The following ARHGAP29 variants were observed in gnomAD, a reference collection of about 807,000 sequenced individuals.
The protein encoded by ARHGAP29 is rho GTPase-activating protein 29.
A neutral mutation model predicts 122.6 loss-of-function variants in ARHGAP29; 43 were observed. That is an observed-to-expected ratio of 0.35 (90% CI 0.27 to 0.45). The LOEUF is 0.45. Ranked by LOEUF, ARHGAP29 falls within the 20% of genes least tolerant of loss-of-function variation. The probability of loss-of-function intolerance (pLI) is 1.00; values close to 1 mark genes in which losing one functional copy is unlikely to be tolerated. For missense variants in ARHGAP29, 1,303 were observed against 1,477.2 expected, an observed-to-expected ratio of 0.88 and a Z score of 1.93; for synonymous variants, 506 against 497.1, an observed-to-expected ratio of 1.02 and a Z score of -0.24.
At chr1:94,220,449 T>C (rs879341230) in intron 2 of ARHGAP29, 57 bp from the exon 3 acceptor site, 76 of 1,434,882 alleles carry the variant, frequency 5.3e-5, no homozygotes, top group Non-Finnish European at 6.9e-5. Flanking sequence ...AAATCTAAAC[T>C]ACAAAACGTC....
chr1:94,225,229 T>C (rs1234902041), intron 2 of ARHGAP29, among the ~76,000 whole-genome samples: 1 of 152,070 alleles, frequency 6.6e-6, no homozygotes, highest in African/African-American at 2.4e-5. Flanking sequence ...TAAAAAACAA[T>C]AGATTTAGAT....
intron 12 of ARHGAP29, chr1:94,195,230 T>C (rs1167946264): frequency 6.6e-6 from 1 of 152,210 alleles, no homozygotes; most frequent in Non-Finnish European, 1.5e-5. Flanking sequence ...TTCTCTCATT[T>C]TATAAGAACA....
At chr1:94,270,771 T>A (rs1403334889) in intron 1 of ARHGAP29, among the ~76,000 whole-genome samples, 3 of 152,174 alleles carry the variant, frequency 2.0e-5, no homozygotes, top group African/African-American at 7.2e-5. Context: ...ACTGCTACCA[T>A]CAGAGACGAA....
the ARHGAP29 span, among the ~76,000 whole-genome samples, chr1:94,289,071 T>G: frequency 6.6e-6 from 1 of 152,204 alleles, no homozygotes; most frequent in African/African-American, 2.4e-5. Context: ...ATCTATAAAT[T>G]AACTTGGCAG....
chr1:94,312,654 A>T, the ARHGAP29 span, among the ~76,000 whole-genome samples: 1 of 150,368 alleles, frequency 6.7e-6, no homozygotes, highest in Non-Finnish European at 1.5e-5. Flanking sequence ...CTGCTCTCGA[A>T]CTCCTGGCCT....
the ARHGAP29 span, among the ~76,000 whole-genome samples, chr1:94,300,363 C>T: frequency 6.6e-6 from 1 of 152,208 alleles, no homozygotes. Context: ...TTTAAAGAAA[C>T]CAGTTTCAAG....
At chr1:94,212,342 AG>A (rs1651685367) in intron 3 of ARHGAP29, among the ~76,000 whole-genome samples, 1 of 152,216 alleles carries the variant, frequency 6.6e-6, no homozygotes, top group Non-Finnish European at 1.5e-5. Flanking sequence ...CAAGAGATAC[AG>A]GTAGAATGAT....
At chr1:94,254,927 T>C (rs1654271766) in intron 1 of ARHGAP29, among the ~76,000 whole-genome samples, 1 of 152,170 alleles carries the variant, frequency 6.6e-6, no homozygotes, top group African/African-American at 2.4e-5. Flanking sequence ...GAAGGTGGTT[T>C]TTGGTAGTGG....
chr1:94,211,305 A>AAAAAC lies in ARHGAP29; in HGVS notation c.341-1956_341-1955insGTTTT, dbSNP rs1557864720. On this transcript the variant is annotated intron_variant, in intron 3 of 22. Coordinates refer to ENST00000260526, the MANE Select transcript of ARHGAP29 (RefSeq NM_004815.4). Reference sequence around the variant, plus strand: ...CTGGCTCCAAAAAAAAAAAAAAAAAAAAAAAAAAGGACATAACAATTCCAT... The same window carrying AAAAAC: ...CTGGCTCCAAAAAAAAAAAAAAAAAAAAAACAAAAAAAAGGACATAACAATTCCAT... 2.1e-3 allele frequency among the ~76,000 whole-genome samples: 306 copies of AAAAAC among 144,632 alleles called. 7 individuals carry two copies. Among genetic ancestry groups the AAAAAC allele is most frequent in the African/African-American group, 7.1e-3 (272 of 38,056 alleles). The allele number at this position is 144,632 out of a possible 152,430, so 94.9% of individuals were successfully genotyped here.
chr1:94,270,985 G>A (rs980990134), intron 1 of ARHGAP29, among the ~76,000 whole-genome samples: 5 of 152,334 alleles, frequency 3.3e-5, no homozygotes, highest in Non-Finnish European at 7.3e-5. Context: ...AAATCCAGGT[G>A]TGGCTTGGCT....
At chr1:94,263,911 C>T (rs1654655617) in intron 1 of ARHGAP29, among the ~76,000 whole-genome samples, 1 of 152,264 alleles carries the variant, frequency 6.6e-6, no homozygotes, top group African/African-American at 2.4e-5. Context: ...CTTACTTTAG[C>T]CAGTTAAAAG....
At chr1:94,187,240 G>A (rs778319709) in intron 15 of ARHGAP29, among the ~76,000 whole-genome samples, 3 of 152,278 alleles carry the variant, frequency 2.0e-5, no homozygotes, top group East Asian at 1.9e-4. Context: ...TACTCCCTCT[G>A]CACAGGCCTA....
intron 2 of ARHGAP29, among the ~76,000 whole-genome samples, chr1:94,222,331 A>T (rs1051099858): frequency 6.6e-6 from 1 of 152,244 alleles, no homozygotes; most frequent in Non-Finnish European, 1.5e-5. Flanking sequence ...AAAGGAGGAC[A>T]AAAAGAATAA....
rs934705031 is a variant in ARHGAP29 at position 94,264,627 on chromosome 1, C to T, written c.-33+10385G>A. Among the ~76,000 whole-genome samples the T allele has an allele frequency of 3.3e-5, 5 of 152,110 alleles. No individual in the cohort carries two copies. In the East Asian group the frequency reaches 7.7e-4, roughly 23 times the overall value. ...AAGCTGATATTTGCTTTCTCTGCAT[C>T]ATCTCGGCCTGCCTTATTACCTGGG... On this transcript the variant is annotated intron_variant and NMD_transcript_variant, in intron 1 of 25. Transcript: ENST00000552844.
At chr1:94,199,389 G>A (rs1008096182) in intron 12 of ARHGAP29, among the ~76,000 whole-genome samples, 2 of 152,006 alleles carry the variant, frequency 1.3e-5, no homozygotes, top group Non-Finnish European at 2.9e-5. Context: ...AAAACAAGTG[G>A]ATATCTGCAT....
Position 94,173,846 on chromosome 1 carries a change from A to G in ARHGAP29, c.*23T>C. Reference sequence around the variant, plus strand: ...CCACAAAATAACACAACAACAACAAAAAAACCCTGAAATTTGACATCCCTA... The same window carrying G: ...CCACAAAATAACACAACAACAACAAGAAAACCCTGAAATTTGACATCCCTA... On this transcript the variant is annotated 3_prime_UTR_variant, in exon 23 of 23. Coordinates refer to ENST00000260526, the MANE Select transcript of ARHGAP29 (RefSeq NM_004815.4). 6.4e-7 allele frequency: 1 copy of G among 1,565,928 alleles called. No individual in the cohort carries two copies.
upstream of ARHGAP29, among the ~76,000 whole-genome samples, chr1:94,239,011 T>C (rs1053731710): frequency 6.6e-6 from 1 of 152,174 alleles, no homozygotes; most frequent in African/African-American, 2.4e-5. Flanking sequence ...CCATACTGGA[T>C]TTTTTGGACT....
rs1649690907 is a variant in ARHGAP29 at position 94,184,755 on chromosome 1, G to C, written c.2109+117C>G. On this transcript the variant is annotated intron_variant, in intron 18 of 22. Coordinates refer to ENST00000260526, the MANE Select transcript of ARHGAP29 (RefSeq NM_004815.4). ...GGCAACAGAGTGAGACCGTGTCTCA[G>C]AAACAGAACAAAACAAAAAAAACCC... 3 of 865,988 alleles carry C rather than the reference G, an allele frequency of 3.5e-6. No homozygotes were observed. The South Asian group carries it at 6.1e-5, about 18-fold the overall frequency. The allele number at this position is 865,988 out of a possible 1,614,324, so 53.6% of individuals were successfully genotyped here.
chr1:94,253,651 C>T (rs1654207223), intron 1 of ARHGAP29, among the ~76,000 whole-genome samples: 2 of 151,606 alleles, frequency 1.3e-5, no homozygotes, highest in Admixed American at 1.3e-4. Flanking sequence ...CACGCACGCA[C>T]GCACGCACGC....
Sources: gnomAD v4.1 joint callset for allele counts (sites outside exome capture counted in the v4.1 genomes callset) on GRCh38, gnomAD v4.1.1 for gene constraint, MANE v1.5 for transcripts, NCBI Gene and HGNC (gene_info 2026-07-23, HGNC 2026-07-21) for gene names.